Variants in UGT1A10 observed in about 807,000 individuals in gnomAD.
UGT1A10 encodes UDP-glucuronosyltransferase 1A10.
UGT1A10 carries 49 observed loss-of-function variants against 45.8 expected under a neutral mutation model. The observed-to-expected ratio is 1.07, with a 90% confidence interval of 0.85 to 1.36. The LOEUF (loss-of-function observed/expected upper bound fraction) is 1.36, where lower values mean the gene tolerates loss of function less well. UGT1A10 is among the 40% of genes most tolerant of loss of function. UGT1A10 has a pLI of 0.00. For missense variants in UGT1A10, 745 were observed against 668.6 expected, an observed-to-expected ratio of 1.11 and a Z score of -1.26; for synonymous variants, 284 against 249.7, an observed-to-expected ratio of 1.14 and a Z score of -1.29.
intron 1 of UGT1A10, chr2:233,747,763 G>A (rs181313522): frequency 8.1e-6 from 13 of 1,613,376 alleles, no homozygotes; most frequent in East Asian, 6.7e-5. Flanking sequence ...GACTTTAAGG[G>A]CACACAGTGT....
At position 233,637,154 on chromosome 2, in the gene UGT1A10, T is replaced by A. The variant is rs918563661; in HGVS notation, c.632T>A (p.Ile211Asn). 1 of 1,613,992 alleles carries A rather than the reference T, an allele frequency of 6.2e-7. No homozygotes were observed. The highest frequency in any genetic ancestry group is 1.7e-5 in the Admixed American group (1 of 60,020). Residue 211 changes from isoleucine to asparagine, a missense_variant, in exon 1 of 5, where the codon ATC (isoleucine) becomes AAC (asparagine). Coordinates refer to ENST00000344644, the MANE Select transcript of UGT1A10 (RefSeq NM_019075.4). ...MTFKERVWNH[I>N]VHLEDHLFCQ... The stretch of plus-strand genomic sequence containing the variant: ...TTCAAGGAGAGAGTATGGAACCACA[T>A]CGTGCACTTGGAGGACCATTTATTT...
Position 233,707,497 on chromosome 2 carries a change from A to G in UGT1A10, c.856-59537A>G, listed in dbSNP as rs149948213. Among the ~76,000 whole-genome samples, 324 of 148,662 alleles carry G rather than the reference A, an allele frequency of 2.2e-3. 2 individuals carry two copies. The highest frequency in any genetic ancestry group is 7.6e-3 in the African/African-American group (311 of 40,728). On this transcript the variant is annotated intron_variant, in intron 1 of 4. Coordinates refer to ENST00000344644, the MANE Select transcript of UGT1A10 (RefSeq NM_019075.4). ...TACAGATGATTTTACCTGTTTCGGT[A>G]CTTAACATAAATAGAATTTTACTGT...
intron 1 of UGT1A10, among the ~76,000 whole-genome samples, chr2:233,678,557 A>G (rs2074421083): frequency 6.6e-6 from 1 of 152,180 alleles, no homozygotes; most frequent in African/African-American, 2.4e-5. Flanking sequence ...ATGCTTTTAT[A>G]CAGTACTAAT....
intron 1 of UGT1A10, among the ~76,000 whole-genome samples, chr2:233,640,644 CT>C (rs1331609909): frequency 1.3e-5 from 2 of 152,146 alleles, no homozygotes; most frequent in Non-Finnish European, 2.9e-5. Context: ...AGAACAGTCT[CT>C]TTTTTAGGCT....
Position 233,636,997 on chromosome 2 carries a change from A to T in UGT1A10, c.475A>T (p.Lys159Ter). Reference sequence around the variant, plus strand: ...TGATACCTGTGGCTTAATTGTTGCTAAATATTTCTCCCTCCCCTCTGTGGT... The same window carrying T: ...TGATACCTGTGGCTTAATTGTTGCTTAATATTTCTCCCTCCCCTCTGTGGT... ...PFDTCGLIVA[K>*]YFSLPSVVFT... Residue 159 changes from lysine (K) to a stop codon, truncating the protein, a stop_gained, in exon 1 of 5, where the codon AAA becomes TAA. Transcript: ENST00000344644. LOFTEE classifies it high-confidence loss of function. 1 of 1,614,004 alleles carries T rather than the reference A, an allele frequency of 6.2e-7. No individual in the cohort carries two copies.
At chr2:233,647,874 A>T (rs982473684) in intron 1 of UGT1A10, 41 of 1,426,268 alleles carry the variant, frequency 2.9e-5, no homozygotes, top group Non-Finnish European at 3.7e-5. Flanking sequence ...TCTATTTCCT[A>T]TTTCATTGAT....
intron 1 of UGT1A10, among the ~76,000 whole-genome samples, chr2:233,751,639 C>T (rs967910288): frequency 6.6e-6 from 1 of 152,174 alleles, no homozygotes; most frequent in African/African-American, 2.4e-5. Context: ...CAGTTTCCCC[C>T]TTGCTGTTCT....
At chr2:233,729,584 C>T in intron 1 of UGT1A10, 7 of 1,614,090 alleles carry the variant, frequency 4.3e-6, no homozygotes, top group Non-Finnish European at 5.9e-6. Flanking sequence ...TTAACAGACC[C>T]CGTTAACCTC....
At chr2:233,668,949 T>C (rs1265886387) in intron 1 of UGT1A10, among the ~76,000 whole-genome samples, 2 of 152,250 alleles carry the variant, frequency 1.3e-5, no homozygotes, top group Non-Finnish European at 2.9e-5. Flanking sequence ...GCAATTCTGG[T>C]GAGGTATTCT....
At chr2:233,649,083 G>T in intron 1 of UGT1A10, 1 of 881,980 alleles carries the variant, frequency 1.1e-6, no homozygotes. Context: ...TATTTAAAAA[G>T]ATTCCTTACG....
intron 1 of UGT1A10, chr2:233,740,677 T>C (rs536808969): frequency 2.0e-5 from 3 of 151,924 alleles, no homozygotes; most frequent in South Asian, 4.1e-4. Context: ...GGTGTTTCCA[T>C]GGAGGGTGTT....
chr2:233,759,135 A>G (rs1346504675), intron 1 of UGT1A10, among the ~76,000 whole-genome samples: 1 of 152,234 alleles, frequency 6.6e-6, no homozygotes, highest in African/African-American at 2.4e-5. Flanking sequence ...CTGGTACGCA[A>G]TGAAGGTGAG....
At chr2:233,716,104 T>A (rs1411406439) in intron 1 of UGT1A10, among the ~76,000 whole-genome samples, 1 of 152,220 alleles carries the variant, frequency 6.6e-6, no homozygotes, top group Non-Finnish European at 1.5e-5. Flanking sequence ...TAACAGAAAT[T>A]TAGTTTTTCC....
In UGT1A10 at chr2:233,637,269, A is replaced by C. The variant is rs1027526130; in HGVS notation, c.747A>C (p.Ser249=). Residue 249 remains serine, a synonymous_variant, in exon 1 of 5, where the codon TCA becomes TCC. Transcript: ENST00000344644. ...CATATGATCTCTACAGTCACACATC[A>C]ATTTGGTTGTTGCGAACGGACTTTG... ...VTAYDLYSHT[S]IWLLRTDFVL... is the part of the protein sequence containing the mutation. The C allele has an allele frequency of 1.9e-6, 3 of 1,613,788 alleles. No homozygotes were observed. The highest frequency in any genetic ancestry group is 1.7e-5 in the Admixed American group (1 of 59,990).
chr2:233,713,083 T>C, intron 1 of UGT1A10: 1 of 1,614,162 alleles, frequency 6.2e-7, no homozygotes, highest in Non-Finnish European at 8.5e-7. Context: ...AGTGGGAAGG[T>C]GCTGGTGGTG....
chr2:233,709,929 A>G (rs1249003261), intron 1 of UGT1A10, among the ~76,000 whole-genome samples: 1 of 152,134 alleles, frequency 6.6e-6, no homozygotes, highest in Non-Finnish European at 1.5e-5. Context: ...ACCTTAGGCA[A>G]CCCTGGATGG....
At chr2:233,725,317 C>CAGAG (rs1559370683) in intron 1 of UGT1A10, among the ~76,000 whole-genome samples, 1 of 37,458 alleles carries the variant, frequency 2.7e-5, no homozygotes. Context: ...GAGGCAGAGG[C>CAGAG]GCCTGGTCAA....
chr2:233,639,159 C>T (rs1296307062), intron 1 of UGT1A10, among the ~76,000 whole-genome samples: 1 of 152,044 alleles, frequency 6.6e-6, no homozygotes, highest in African/African-American at 2.4e-5. Flanking sequence ...AAAAATGAAA[C>T]ATTAAACTAT....
Position 233,729,591 on chromosome 2 carries a change from C to T in UGT1A10, c.856-37443C>T, listed in dbSNP as rs142676251. Reference sequence around the variant, plus strand: ...ATGTGGTTTTAACAGACCCCGTTAACCTCTGCGCGGCAGTGCTGGCTAAGT... The same window carrying T: ...ATGTGGTTTTAACAGACCCCGTTAATCTCTGCGCGGCAGTGCTGGCTAAGT... On this transcript the variant is annotated intron_variant, in intron 1 of 4. Coordinates refer to ENST00000344644, the MANE Select transcript of UGT1A10 (RefSeq NM_019075.4). 633 of 1,613,962 alleles carry T rather than the reference C, an allele frequency of 3.9e-4. 1 individual carries two copies. Among genetic ancestry groups the T allele is most frequent in the Non-Finnish European group, 5.0e-4 (593 of 1,179,978 alleles).
Sources: allele counts gnomAD v4.1 joint callset (sites outside exome capture counted in the v4.1 genomes callset), GRCh38; gene constraint gnomAD v4.1.1; transcripts MANE v1.5; gene names NCBI Gene and HGNC (gene_info 2026-07-23, HGNC 2026-07-21).